TAFA2: variants seen among roughly 807,000 people sequenced by gnomAD.
TAFA2 encodes TAFA chemokine like family member 2.
Under a neutral mutation model 18.8 loss-of-function variants are expected in TAFA2, and 7 were observed. That is an observed-to-expected ratio of 0.37 (90% CI 0.21 to 0.70). The LOEUF (loss-of-function observed/expected upper bound fraction) is 0.70, where lower values mean the gene tolerates loss of function less well. TAFA2 is among the 30% of genes least tolerant of loss of function. The pLI, the probability that TAFA2 is intolerant of heterozygous loss-of-function variation, is 0.53. For synonymous variants in TAFA2, 60 were observed against 54.2 expected (o/e 1.11, Z -0.47); for missense variants, 122 against 158.1 (o/e 0.77, Z 1.23).
intron 1 of TAFA2, among the ~76,000 whole-genome samples, chr12:61,934,448 C>T (rs778454637): frequency 2.0e-5 from 3 of 152,156 alleles, no homozygotes; most frequent in Admixed American, 6.5e-5. Flanking sequence ...GGGAGAAAGC[C>T]GACAACTAAC....
intron 1 of TAFA2, among the ~76,000 whole-genome samples, chr12:62,064,394 A>G (rs1026883701): frequency 2.6e-5 from 4 of 152,080 alleles, no homozygotes; most frequent in African/African-American, 4.8e-5. Flanking sequence ...TTGAATAATT[A>G]AAAAAACAAA....
At chr12:62,041,295 G>GA (rs1222589556) in intron 1 of TAFA2, among the ~76,000 whole-genome samples, 4 of 152,072 alleles carry the variant, frequency 2.6e-5, no homozygotes, top group Non-Finnish European at 5.9e-5. Flanking sequence ...TTGAAAAAAA[G>GA]AAAAATTTTC....
intron 2 of TAFA2, among the ~76,000 whole-genome samples, chr12:61,844,107 T>A (rs910645238): frequency 1.3e-5 from 2 of 152,168 alleles, no homozygotes; most frequent in Non-Finnish European, 2.9e-5. Context: ...AAACTTGTAC[T>A]TTTTCATTAT....
intron 1 of TAFA2, among the ~76,000 whole-genome samples, chr12:62,047,452 T>G (rs914017579): frequency 6.6e-6 from 1 of 152,182 alleles, no homozygotes; most frequent in Non-Finnish European, 1.5e-5. Context: ...TAATATAAAT[T>G]TATTACTTCT....
At chr12:61,915,780 C>T (rs757929473) in intron 1 of TAFA2, among the ~76,000 whole-genome samples, 1 of 152,120 alleles carries the variant, frequency 6.6e-6, no homozygotes, top group Non-Finnish European at 1.5e-5. Context: ...GCACATCTGC[C>T]CTTCCTTCAC....
Position 61,901,259 on chromosome 12 carries a change from C to CTTTTTTTTTTTTTTTT in TAFA2, c.-1-33849_-1-33834dup, listed in dbSNP as rs1203233805. Among the ~76,000 whole-genome samples, 8 of 10,898 alleles carry CTTTTTTTTTTTTTTTT rather than the reference C, an allele frequency of 7.3e-4. 1 individual carries two copies. The highest frequency in any genetic ancestry group is 2.1e-3 in the South Asian group (1 of 468). 7.1% of individuals were successfully genotyped at this position (10,898 alleles called of 152,430 possible). ...TCCAAGTTTTAACTCTTCAATTTCACTTTTTTTTTTTTTTTTTTTTTTTTT... is the reference window on the plus strand; with the variant it reads ...TCCAAGTTTTAACTCTTCAATTTCACTTTTTTTTTTTTTTTTTTTTTTTTTTTTTTTTTTTTTTTTT... On this transcript the variant is annotated intron_variant, in intron 1 of 4. Transcript: ENST00000416284.
chr12:61,750,073 A>T (rs916250143), intron 4 of TAFA2, among the ~76,000 whole-genome samples: 3 of 151,762 alleles, frequency 2.0e-5, no homozygotes, highest in Admixed American at 6.6e-5. Flanking sequence ...TTCTTTTCTT[A>T]TATTTTACAA....
In TAFA2 at chr12:61,874,135, C is replaced by A. The variant is rs1031334216; in HGVS notation, c.-1-6709G>T. ...ACTAGGCACATTATGTGTGTCAGAA[C>A]TTTCCTATTGAAGAACTAGTATTTA... On this transcript the variant is annotated intron_variant, in intron 1 of 4. Coordinates refer to ENST00000416284, the MANE Select transcript of TAFA2 (RefSeq NM_178539.5). Among the ~76,000 whole-genome samples, 13 of 152,102 alleles carry A rather than the reference C, an allele frequency of 8.5e-5. 1 individual carries two copies. Among genetic ancestry groups the A allele is most frequent in the Admixed American group, 2.0e-4 (3 of 15,276 alleles).
chr12:61,809,292 T>C (rs1435711058), intron 2 of TAFA2, among the ~76,000 whole-genome samples: 2 of 151,618 alleles, frequency 1.3e-5, no homozygotes, highest in African/African-American at 4.9e-5. Flanking sequence ...AAAATAGTTA[T>C]AAAGCATCTT....
chr12:61,916,539 G>GTT (rs1876829331), intron 1 of TAFA2, among the ~76,000 whole-genome samples: 1 of 152,172 alleles, frequency 6.6e-6, no homozygotes, highest in African/African-American at 2.4e-5. Context: ...TCACTGTTAA[G>GTT]TAATCTTTGA....
chr12:61,715,746 T>C (rs2120562367), intron 4 of TAFA2, among the ~76,000 whole-genome samples: 1 of 40,302 alleles, frequency 2.5e-5, no homozygotes, highest in African/African-American at 1.0e-4. Context: ...CTCAAGACTC[T>C]ACAAAAAAAA....
At chr12:61,845,182 A>G (rs1294583328) in intron 2 of TAFA2, among the ~76,000 whole-genome samples, 1 of 152,186 alleles carries the variant, frequency 6.6e-6, no homozygotes, top group East Asian at 1.9e-4. Context: ...CTGGTGCTTG[A>G]GAAGGCTCCA....
At chr12:61,871,912 G>A (rs1434516048) in intron 1 of TAFA2, among the ~76,000 whole-genome samples, 2 of 152,106 alleles carry the variant, frequency 1.3e-5, no homozygotes, top group Non-Finnish European at 2.9e-5. Context: ...CTAACACAGT[G>A]AAACCCTGTC....
At chr12:61,776,397 C>T (rs1177143561) in intron 2 of TAFA2, 1 of 160,986 alleles carries the variant, frequency 6.2e-6, no homozygotes, top group Non-Finnish European at 1.3e-5. Context: ...CCTATGAATT[C>T]ATGCATAATA....
chr12:61,738,273 C>T (rs897996276), intron 4 of TAFA2, among the ~76,000 whole-genome samples: 3 of 137,570 alleles, frequency 2.2e-5, no homozygotes, highest in African/African-American at 8.1e-5. Context: ...ACTACAAAAA[C>T]TTAAAATGAA....
chr12:61,795,059 T>G (rs1231873627), intron 2 of TAFA2, among the ~76,000 whole-genome samples: 5 of 152,046 alleles, frequency 3.3e-5, no homozygotes, highest in African/African-American at 1.2e-4. Flanking sequence ...AGAATGGTGA[T>G]CATTAAAAAG....
intron 2 of TAFA2, among the ~76,000 whole-genome samples, chr12:61,854,288 T>A (rs893815112): frequency 2.0e-5 from 3 of 152,016 alleles, no homozygotes; most frequent in Non-Finnish European, 2.9e-5. Flanking sequence ...ACAGGTTTGG[T>A]AAATAAAGAA....
intron 1 of TAFA2, among the ~76,000 whole-genome samples, chr12:61,922,277 C>T (rs764183495): frequency 8.5e-5 from 13 of 152,096 alleles, no homozygotes; most frequent in East Asian, 1.9e-4. Flanking sequence ...GTTATCTCCT[C>T]GGGGTGAAAG....
intron 1 of TAFA2, among the ~76,000 whole-genome samples, chr12:62,011,705 C>A (rs1351232634): frequency 6.6e-6 from 1 of 151,022 alleles, no homozygotes; most frequent in Non-Finnish European, 1.5e-5. Flanking sequence ...TATGACCCTG[C>A]CACATCCCCC....
Sources: gnomAD v4.1 joint callset for allele counts (sites outside exome capture counted in the v4.1 genomes callset) on GRCh38, gnomAD v4.1.1 for gene constraint, MANE v1.5 for transcripts, NCBI Gene and HGNC (gene_info 2026-07-23, HGNC 2026-07-21) for gene names.